The following LRRC69 variants were observed in gnomAD, a reference collection of about 807,000 sequenced individuals.
LRRC69 encodes leucine-rich repeat-containing protein 69.
Under a neutral mutation model 37.8 loss-of-function variants are expected in LRRC69, and 42 were observed. The observed-to-expected ratio is 1.11, with a 90% CI of 0.87 to 1.44. The LOEUF (loss-of-function observed/expected upper bound fraction) is 1.44, where lower values mean the gene tolerates loss of function less well. LRRC69 is among the 40% of genes most tolerant of loss of function. The pLI, the probability that LRRC69 is intolerant of heterozygous loss-of-function variation, is 0.00. For missense variants in LRRC69, 357 were observed against 401.9 expected (o/e 0.89, Z 0.96); for synonymous variants, 141 against 143.1 (o/e 0.99, Z 0.11).
At chr8:91,152,513 C>T (rs62526691) in intron 5 of LRRC69, among the ~76,000 whole-genome samples, 1 of 151,596 alleles carries the variant, frequency 6.6e-6, no homozygotes, top group African/African-American at 2.4e-5. Context: ...CAGTACCATG[C>T]TGTTTTGGTT....
chr8:91,192,667 T>A (rs1030532991), intron 6 of LRRC69, among the ~76,000 whole-genome samples: 28 of 152,234 alleles, frequency 1.8e-4, no homozygotes, highest in African/African-American at 6.8e-4. Context: ...TCTATTCATG[T>A]CCTTTGCCGA....
intron 1 of LRRC69, among the ~76,000 whole-genome samples, chr8:91,104,727 C>T (rs1813278498): frequency 1.3e-5 from 2 of 151,970 alleles, no homozygotes; most frequent in South Asian, 4.1e-4. Context: ...TTCCTGTATC[C>T]TGTATTTTCC....
At chr8:91,177,850 C>CTTTTTTTT (rs10645044) in intron 5 of LRRC69, among the ~76,000 whole-genome samples, 3 of 130,840 alleles carry the variant, frequency 2.3e-5, no homozygotes, top group African/African-American at 5.9e-5. Flanking sequence ...TTCTGCTTTT[C>CTTTTTTTT]TTTTTTTTTT....
At chr8:91,159,971 A>G in intron 5 of LRRC69, among the ~76,000 whole-genome samples, 1 of 151,184 alleles carries the variant, frequency 6.6e-6, no homozygotes, top group East Asian at 2.0e-4. Flanking sequence ...AAAAAAAACA[A>G]AACAACAACA....
intron 5 of LRRC69, among the ~76,000 whole-genome samples, chr8:91,185,938 T>C (rs1363214448): frequency 6.6e-6 from 1 of 152,228 alleles, no homozygotes; most frequent in Non-Finnish European, 1.5e-5. Context: ...CAGTTTACTT[T>C]ATAAATGCTC....
At chr8:91,145,677 C>T (rs963531619) in intron 5 of LRRC69, among the ~76,000 whole-genome samples, 2 of 151,748 alleles carry the variant, frequency 1.3e-5, no homozygotes, top group African/African-American at 4.8e-5. Context: ...CTTGTGGGTT[C>T]TGTGGTTTTA....
rs1808520946 is a variant in LRRC69 at position 91,140,915 on chromosome 8, AG to A, written c.651+5177del. On this transcript the variant is annotated intron_variant, in intron 5 of 7. Transcript: ENST00000448384. ...TGATCCGCCCGCCTCGGCCTCCCAA[AG>A]TGCTGGGATTACAGGCGTGAGCCAC... Among the ~76,000 whole-genome samples the A allele has an allele frequency of 5.7e-5, 8 of 139,818 alleles. 1 individual carries two copies. The highest frequency in any genetic ancestry group is 8.9e-5 in the African/African-American group (3 of 33,602). The allele number at this position is 139,818 out of a possible 152,430, so 91.7% of individuals were successfully genotyped here.
chr8:91,202,782 A>G (rs1483511649), intron 7 of LRRC69, among the ~76,000 whole-genome samples: 2 of 152,204 alleles, frequency 1.3e-5, no homozygotes, highest in African/African-American at 4.8e-5. Flanking sequence ...ATTTTAAGTA[A>G]AAGAGTGGTA....
intron 3 of LRRC69, among the ~76,000 whole-genome samples, chr8:91,127,677 C>T (rs1220122814): frequency 7.3e-6 from 1 of 137,836 alleles, no homozygotes; most frequent in Non-Finnish European, 1.5e-5. Flanking sequence ...GAATGCCTTT[C>T]TGGAGCCAGC....
At chr8:91,198,291 A>G (rs1248070173) in intron 6 of LRRC69, among the ~76,000 whole-genome samples, 1 of 152,162 alleles carries the variant, frequency 6.6e-6, no homozygotes, top group East Asian at 1.9e-4. Context: ...AAAAATCCCA[A>G]CTTTACAGAT....
intron 7 of LRRC69, chr8:91,206,831 G>C (rs1474750377): frequency 2.3e-6 from 3 of 1,288,602 alleles, no homozygotes; most frequent in Non-Finnish European, 3.0e-6. Flanking sequence ...AGAAATCCAA[G>C]GCAAGGAGAA....
chr8:91,197,854 A>G (rs541293750), intron 6 of LRRC69, among the ~76,000 whole-genome samples: 27 of 152,136 alleles, frequency 1.8e-4, no homozygotes, highest in Admixed American at 1.5e-3. Context: ...CTATTCGGCC[A>G]TCTTGGCTCC....
intron 1 of LRRC69, among the ~76,000 whole-genome samples, chr8:91,120,988 T>C (rs1000722038): frequency 1.8e-4 from 28 of 152,012 alleles, no homozygotes; most frequent in African/African-American, 6.3e-4. Flanking sequence ...TCTTGATTCC[T>C]TGTCCCTCCT....
At chr8:91,157,159 A>G (rs935653709) in intron 5 of LRRC69, 15 of 720,562 alleles carry the variant, frequency 2.1e-5, no homozygotes, top group South Asian at 4.7e-5. Context: ...GAAGAGTGTC[A>G]TTGGTATTTT....
At chr8:91,153,777 G>T (rs1290311798) in intron 5 of LRRC69, among the ~76,000 whole-genome samples, 3 of 151,740 alleles carry the variant, frequency 2.0e-5, no homozygotes, top group African/African-American at 7.3e-5. Flanking sequence ...ATCTCAAATT[G>T]ACACCCTAAC....
intron 3 of LRRC69, among the ~76,000 whole-genome samples, chr8:91,128,570 A>G (rs905045461): frequency 1.3e-5 from 2 of 151,994 alleles, no homozygotes; most frequent in South Asian, 2.1e-4. Context: ...TCACTTTCCT[A>G]TATCTTAACA....
chr8:91,214,463 A>G (rs541054548), intron 7 of LRRC69, among the ~76,000 whole-genome samples: 8 of 152,214 alleles, frequency 5.3e-5, no homozygotes, highest in Non-Finnish European at 1.2e-4. Context: ...TGTAGTTGCT[A>G]TTAAGCTATA....
chr8:91,121,518 C>G (rs147883044), intron 1 of LRRC69, among the ~76,000 whole-genome samples: 1 of 151,958 alleles, frequency 6.6e-6, no homozygotes, highest in Middle Eastern at 3.2e-3. Context: ...CCATTGGGGT[C>G]TTTATTTTGA....
rs1554588143 is a variant in LRRC69, at chr8:91,103,279, AGT to A, written c.183+436_183+437del. ...AGAGACATTTAGGATGCAGCAAGGG[AGT>A]TCCTTTTCAATTTCCTAGGGCAGGC... On this transcript the variant is annotated intron_variant, in intron 1 of 7. Transcript: ENST00000448384. Among the ~76,000 whole-genome samples, 365 of 151,720 alleles carry A rather than the reference AGT, an allele frequency of 2.4e-3. 13 individuals are homozygous for A. Among genetic ancestry groups the A allele is most frequent in the Admixed American group, 5.5e-3 (84 of 15,166 alleles).
Sources: gnomAD v4.1 joint callset for allele counts (sites outside exome capture counted in the v4.1 genomes callset) on GRCh38, gnomAD v4.1.1 for gene constraint, MANE v1.5 for transcripts, NCBI Gene and HGNC (gene_info 2026-07-23, HGNC 2026-07-21) for gene names.